The following TNFAIP8 variants were observed in gnomAD, a reference collection of about 807,000 sequenced individuals.
TNFAIP8 encodes TNF alpha induced protein 8, also known as tumor necrosis factor alpha-induced protein 8.
Under a neutral mutation model 13.3 loss-of-function variants are expected in TNFAIP8, and 7 were observed. The observed-to-expected ratio is 0.52, with a 90% CI of 0.30 to 0.99. The LOEUF (loss-of-function observed/expected upper bound fraction) is 0.99. Ranked by LOEUF, TNFAIP8 falls within the 50% of genes least tolerant of loss-of-function variation. TNFAIP8 has a pLI of 0.07. For missense variants in TNFAIP8, 258 were observed against 236.9 expected (o/e 1.09, Z -0.58); for synonymous variants, 94 against 87.6 (o/e 1.07, Z -0.41).
chr5:119,375,777 A>G (rs1752255457), intron 1 of TNFAIP8, among the ~76,000 whole-genome samples: 1 of 152,168 alleles, frequency 6.6e-6, no homozygotes, highest in African/African-American at 2.4e-5. Context: ...CAAAATGTTC[A>G]ATTTAGGATC....
chr5:119,376,939 A>G (rs978742078), intron 1 of TNFAIP8, among the ~76,000 whole-genome samples: 2 of 152,148 alleles, frequency 1.3e-5, no homozygotes, highest in Non-Finnish European at 2.9e-5. Context: ...AGATAAAATA[A>G]CATAGTTCCC....
chr5:119,280,745 T>A (rs567722587), intron 1 of TNFAIP8, among the ~76,000 whole-genome samples: 19 of 152,224 alleles, frequency 1.2e-4, no homozygotes, highest in Non-Finnish European at 2.2e-4. Context: ...ATTTATTAGC[T>A]GGAATAATTT....
chr5:119,269,061 T>C (rs554214642), intron 1 of TNFAIP8, among the ~76,000 whole-genome samples: 1 of 152,282 alleles, frequency 6.6e-6, no homozygotes, highest in African/African-American at 2.4e-5. Flanking sequence ...ACAACTTGTT[T>C]AGGTGGGTGT....
In TNFAIP8 at chr5:119,392,813, TAGTGGCCACAGA is replaced by T; in HGVS notation, c.32-2_41del. The stretch of plus-strand genomic sequence containing the variant: ...TTCTTTTCCTCTCTTTTTTTTTTTT[TAGTGGCCACAGA>T]TGTCTTTAATTCCAAAAACCTGGCC... On this transcript the variant is annotated splice_acceptor_variant and coding_sequence_variant, in exon 2 of 2. Coordinates refer to ENST00000504771, the MANE Select transcript of TNFAIP8 (RefSeq NM_014350.4). LOFTEE classifies it high-confidence loss of function. The T allele has an allele frequency of 6.7e-7, 1 of 1,501,762 alleles. No individual in the cohort carries two copies. The highest frequency in any genetic ancestry group is 8.9e-7 in the Non-Finnish European group (1 of 1,126,838). 93.0% of individuals were successfully genotyped at this position (1,501,762 alleles called of 1,614,324 possible). A position where few individuals can be genotyped will look rare whatever the true frequency, so the allele number is the denominator to read the frequency against.
At chr5:119,275,816 C>T (rs1366542903) in intron 1 of TNFAIP8, among the ~76,000 whole-genome samples, 1 of 149,800 alleles carries the variant, frequency 6.7e-6, no homozygotes, top group Non-Finnish European at 1.5e-5. Context: ...AGTAGATTGA[C>T]AGCTTTTTTT....
chr5:119,390,152 A>T (rs1212450677), intron 1 of TNFAIP8, among the ~76,000 whole-genome samples: 1 of 152,230 alleles, frequency 6.6e-6, no homozygotes, highest in Non-Finnish European at 1.5e-5. Context: ...ATAGACTTGT[A>T]GTAAATCCCA....
At chr5:119,302,338 A>G (rs1406197185) in intron 1 of TNFAIP8, among the ~76,000 whole-genome samples, 2 of 152,222 alleles carry the variant, frequency 1.3e-5, no homozygotes, top group African/African-American at 4.8e-5. Flanking sequence ...ACATCCTTTT[A>G]TTAGAGAAAA....
chr5:119,316,219 G>A (rs1197051460), intron 1 of TNFAIP8: 4 of 150,314 alleles, frequency 2.7e-5, no homozygotes, highest in Non-Finnish European at 5.9e-5. Flanking sequence ...AAGTGCAGTG[G>A]TGAGATCATA....
At chr5:119,387,951 G>T (rs1223676942) in intron 1 of TNFAIP8, among the ~76,000 whole-genome samples, 1 of 152,070 alleles carries the variant, frequency 6.6e-6, no homozygotes, top group Non-Finnish European at 1.5e-5. Context: ...CAAGTGAATT[G>T]ATCTTAAGAG....
intron 1 of TNFAIP8, among the ~76,000 whole-genome samples, chr5:119,345,678 G>A (rs1372968971): frequency 6.6e-6 from 1 of 152,202 alleles, no homozygotes; most frequent in Non-Finnish European, 1.5e-5. Context: ...ACAAAAAGTA[G>A]AATGGTGGTT....
intron 1 of TNFAIP8, among the ~76,000 whole-genome samples, chr5:119,388,788 A>G (rs970366710): frequency 1.4e-5 from 2 of 146,394 alleles, no homozygotes; most frequent in African/African-American, 5.1e-5. Context: ...ATAGGACTAC[A>G]TGCCCAGCTA....
chr5:119,345,486 A>G (rs1302831080), intron 1 of TNFAIP8, among the ~76,000 whole-genome samples: 1 of 152,230 alleles, frequency 6.6e-6, no homozygotes, highest in Non-Finnish European at 1.5e-5. Context: ...TATAAACAAA[A>G]TGTGATATAC....
At chr5:119,285,900 TAAAAAAC>T (rs1748763034) in intron 1 of TNFAIP8, among the ~76,000 whole-genome samples, 1 of 152,120 alleles carries the variant, frequency 6.6e-6, no homozygotes, top group Non-Finnish European at 1.5e-5. Flanking sequence ...CAGATTAACT[TAAAAAAC>T]AAAATACTGA....
intron 1 of TNFAIP8, among the ~76,000 whole-genome samples, chr5:119,371,054 C>T (rs1422340190): frequency 3.9e-5 from 6 of 152,132 alleles, no homozygotes; most frequent in Non-Finnish European, 8.8e-5. Context: ...TTCATGTTAG[C>T]TAGTGTCAAA....
At chr5:119,330,755 A>G (rs1034003687) in intron 1 of TNFAIP8, among the ~76,000 whole-genome samples, 1 of 152,138 alleles carries the variant, frequency 6.6e-6, no homozygotes, top group Admixed American at 6.5e-5. Context: ...CATGGCCACC[A>G]TCATGTGTTT....
chr5:119,311,688 C>CTAAAAAAA (rs1749733691), intron 1 of TNFAIP8, among the ~76,000 whole-genome samples: 1 of 66,684 alleles, frequency 1.5e-5, no homozygotes, highest in Non-Finnish European at 2.6e-5. Context: ...GACTCCGTCT[C>CTAAAAAAA]AAAAAAAAAA....
upstream of TNFAIP8, among the ~76,000 whole-genome samples, chr5:119,354,060 A>G (rs1562014332): frequency 6.6e-6 from 1 of 152,214 alleles, no homozygotes; most frequent in Non-Finnish European, 1.5e-5. Flanking sequence ...TGACTTGGGC[A>G]GGACAGGAAA....
chr5:119,315,190 C>G (rs1026569374), intron 1 of TNFAIP8, among the ~76,000 whole-genome samples: 1 of 152,242 alleles, frequency 6.6e-6, no homozygotes, highest in Non-Finnish European at 1.5e-5. Context: ...TCTCACCATT[C>G]TCCTGCTTCA....
At chr5:119,298,200 C>A (rs13180207) in intron 1 of TNFAIP8, among the ~76,000 whole-genome samples, 1 of 152,020 alleles carries the variant, frequency 6.6e-6, no homozygotes, top group South Asian at 2.1e-4. Context: ...TCTTCCTAGC[C>A]TCGATGGTCT....
Sources: allele counts gnomAD v4.1 joint callset (sites outside exome capture counted in the v4.1 genomes callset), GRCh38; gene constraint gnomAD v4.1.1; transcripts MANE v1.5; gene names NCBI Gene and HGNC (gene_info 2026-07-23, HGNC 2026-07-21).